CHD8: variants seen among roughly 807,000 people sequenced by gnomAD.
CHD8 encodes chromodomain helicase DNA binding protein 8.
Under a neutral mutation model 279.2 loss-of-function variants are expected in CHD8, and 31 were observed. The observed-to-expected ratio is 0.11, with a 90% CI of 0.08 to 0.15. The LOEUF is 0.15. CHD8 is among the 10% of genes least tolerant of loss of function. CHD8 has a pLI of 1.00. For missense variants in CHD8, 2,146 were observed against 3,230.5 expected, an observed-to-expected ratio of 0.66 and a Z score of 8.14; for synonymous variants, 1,081 against 1,139.6, an observed-to-expected ratio of 0.95 and a Z score of 1.04.
intron 14 of CHD8, among the ~76,000 whole-genome samples, chr14:21,406,398 A>T (rs1888255585): frequency 6.6e-6 from 1 of 152,150 alleles, no homozygotes; most frequent in Non-Finnish European, 1.5e-5. Context: ...TGAGACTACC[A>T]CACAAAGCAG....
chr14:21,394,102 T>C lies in CHD8; in HGVS notation c.5693A>G (p.Glu1898Gly). ...CAAAAGGGGGTGGCATAAAACTTGT[T>C]CCCGTAAGCGCCGAAGCAATTCTAT... is the stretch of plus-strand genomic sequence containing the variant. The part of the protein sequence containing the change: ...YRIELLRRLR[E>G]QVLCHPLLED... Residue 1898 changes from glutamate (E) to glycine (G), a missense_variant, in exon 32 of 38, where the codon GAA (glutamate) becomes GGA (glycine). By Grantham distance (98) the Glu-to-Gly change is moderately conservative (BLOSUM62 -2). Transcript: ENST00000646647. 2 of 1,613,822 alleles carry C rather than the reference T, an allele frequency of 1.2e-6. No individual in the cohort carries two copies. The highest frequency in any genetic ancestry group is 3.3e-4 in the Middle Eastern group (2 of 6,062).
chr14:21,394,733 C>G, intron 30 of CHD8, 179 bp downstream of exon 30: 3 of 671,408 alleles, frequency 4.5e-6, no homozygotes, highest in Non-Finnish European at 7.5e-6. Flanking sequence ...GGAGACCTAC[C>G]TGAGAGTTAA....
intron 35 of CHD8, 48 bp from the exon 36 acceptor site, chr14:21,391,690 GA>G: frequency 9.3e-7 from 1 of 1,075,228 alleles, no homozygotes; most frequent in Non-Finnish European, 1.4e-6. Context: ...TTCTTTGGGG[GA>G]GGGAGGGAGG....
At chr14:21,415,223 C>G (rs1008485582) in intron 7 of CHD8, 7 of 485,734 alleles carry the variant, frequency 1.4e-5, no homozygotes, top group African/African-American at 9.9e-5. Flanking sequence ...TAAAGCAGTT[C>G]CTGTTTTCTA....
At chr14:21,428,839 C>T (rs1594376729) in intron 3 of CHD8, 125 bp downstream of exon 3, 2 of 760,780 alleles carry the variant, frequency 2.6e-6, no homozygotes, top group East Asian at 2.7e-5. Flanking sequence ...ATTAAGTCTG[C>T]ACCTCAGTTC....
chr14:21,386,212 A>G, intron 37 of CHD8, 36 bp from the exon 38 acceptor site: 1 of 1,512,906 alleles, frequency 6.6e-7, no homozygotes, highest in Non-Finnish European at 8.9e-7. Context: ...AAAAAGAAAG[A>G]AAGGGGAAAA....
At chr14:21,397,536 A>C in intron 27 of CHD8, 2 of 386,858 alleles carry the variant, frequency 5.2e-6, no homozygotes. Context: ...TCAAGAGACC[A>C]GTTATCCTCT....
Position 21,395,797 on chromosome 14 carries a change from C to T in CHD8, c.5127+20G>A, listed in dbSNP as rs1887756875. 6.8e-7 allele frequency: 1 copy of T among 1,479,146 alleles called. No homozygotes were observed. The allele number at this position is 1,479,146 out of a possible 1,614,324, so 91.6% of individuals were successfully genotyped here. ...TATTTAGTAATAGAGAAAAGTGAGA[C>T]TCAAATGAGAATTCCTTACCTCATC... On this transcript the variant is annotated intron_variant, in intron 28 of 37. Coordinates refer to ENST00000646647, the MANE Select transcript of CHD8 (RefSeq NM_001170629.2).
At chr14:21,409,085 C>G (rs1888371185) in intron 11 of CHD8, among the ~76,000 whole-genome samples, 1 of 152,182 alleles carries the variant, frequency 6.6e-6, no homozygotes, top group Non-Finnish European at 1.5e-5. Flanking sequence ...CCTCTCTCAT[C>G]TGATCAAGCC....
rs766796605 is a variant in CHD8 at position 21,391,981 on chromosome 14, T to C, written c.6772-35A>G. ...CAACCCACCCACCCAAGACATCATA[T>C]GGTACATGTTTTTCAAAGTAAAGAT... On this transcript the variant is annotated intron_variant, in intron 34 of 37. Coordinates refer to ENST00000646647, the MANE Select transcript of CHD8 (RefSeq NM_001170629.2). The C allele has an allele frequency of 9.2e-6, 13 of 1,417,364 alleles. No individual in the cohort carries two copies. In the Admixed American group the frequency reaches 1.0e-4, roughly 11 times the overall value. 87.8% of individuals were successfully genotyped at this position (1,417,364 alleles called of 1,614,324 possible). A position where few individuals can be genotyped will look rare whatever the true frequency, so the allele number is the denominator to read the frequency against.
chr14:21,389,072 C>T (rs1427401754), intron 37 of CHD8, among the ~76,000 whole-genome samples: 2 of 152,068 alleles, frequency 1.3e-5, no homozygotes, highest in African/African-American at 2.4e-5. Flanking sequence ...GAGGCTGAGG[C>T]GGGTGGATCA....
chr14:21,390,167 G>C (rs1172746236), intron 37 of CHD8, among the ~76,000 whole-genome samples: 2 of 151,890 alleles, frequency 1.3e-5, no homozygotes, highest in African/African-American at 4.8e-5. Flanking sequence ...CCAGGGGAGG[G>C]AGAAGTTGCA....
At chr14:21,451,019 T>C (rs1209328980) in intron 1 of CHD8, among the ~76,000 whole-genome samples, 1 of 151,918 alleles carries the variant, frequency 6.6e-6, no homozygotes. Context: ...TCATATACAA[T>C]AAATATCTAT....
intron 5 of CHD8, among the ~76,000 whole-genome samples, chr14:21,423,811 T>C (rs1267529882): frequency 3.3e-5 from 5 of 152,224 alleles, no homozygotes; most frequent in African/African-American, 7.2e-5. Flanking sequence ...AATGTGTACA[T>C]TTAATCCTTG....
rs1280579207 is a variant in CHD8, at chr14:21,393,044, C to G, written c.6468+62G>C. 4 of 1,521,916 alleles carry G rather than the reference C, an allele frequency of 2.6e-6. No individual in the cohort carries two copies. In the South Asian group the frequency reaches 4.9e-5, roughly 19 times the overall value. 94.3% of individuals were successfully genotyped at this position (1,521,916 alleles called of 1,614,324 possible). ...CCAGAACCATATGTTCCTTTTTCCC[C>G]GGATATACTGTTACACTGTATTTCT... On this transcript the variant is annotated intron_variant, in intron 33 of 37. Coordinates refer to ENST00000646647, the MANE Select transcript of CHD8 (RefSeq NM_001170629.2).
intron 1 of CHD8, among the ~76,000 whole-genome samples, chr14:21,449,078 G>C (rs1890196877): frequency 6.6e-6 from 1 of 152,082 alleles, no homozygotes; most frequent in Non-Finnish European, 1.5e-5. Flanking sequence ...GGAGGCTGAG[G>C]CAGGAGAATG....
At chr14:21,401,184 T>C in intron 21 of CHD8, 113 bp from the exon 22 acceptor site, 3 of 930,272 alleles carry the variant, frequency 3.2e-6, no homozygotes, top group Non-Finnish European at 4.7e-6. Context: ...TACTCAGAGA[T>C]TTTTTTAAAT....
At chr14:21,440,540 T>TTCTTAA (rs1398028064) in intron 1 of CHD8, among the ~76,000 whole-genome samples, 1 of 152,072 alleles carries the variant, frequency 6.6e-6, no homozygotes. Context: ...GAGGAAAAGT[T>TTCTTAA]ACCAGGTGGG....
chr14:21,440,709 T>G (rs867845755), intron 1 of CHD8, among the ~76,000 whole-genome samples: 1 of 152,184 alleles, frequency 6.6e-6, no homozygotes, highest in Middle Eastern at 3.4e-3. Flanking sequence ...AAGAAGGAAC[T>G]GGATAGAGAT....
Sources: allele counts gnomAD v4.1 joint callset (sites outside exome capture counted in the v4.1 genomes callset), GRCh38; gene constraint gnomAD v4.1.1; transcripts MANE v1.5; gene names NCBI Gene and HGNC (gene_info 2026-07-23, HGNC 2026-07-21).